Variants in FAM210A observed in about 807,000 individuals in gnomAD.
The protein encoded by FAM210A is family with sequence similarity 210 member A.
Under a neutral mutation model 25.3 loss-of-function variants are expected in FAM210A, and 13 were observed. That is an observed-to-expected ratio of 0.51 (90% CI 0.33 to 0.82). The LOEUF (loss-of-function observed/expected upper bound fraction) is 0.82. Among genes scored for constraint, FAM210A ranks in the 40% least tolerant of loss-of-function variants. The pLI, the probability that FAM210A is intolerant of heterozygous loss-of-function variation, is 0.02. For synonymous variants in FAM210A, 125 were observed against 118.7 expected (o/e 1.05, Z -0.35); for missense variants, 319 against 323.2 (o/e 0.99, Z 0.10).
intron 1 of FAM210A, among the ~76,000 whole-genome samples, chr18:13,689,041 A>T (rs2043620834): frequency 6.6e-6 from 1 of 152,196 alleles, no homozygotes. Flanking sequence ...CCCTGTCGCG[A>T]GTCCTGTGAA....
Position 13,682,086 on chromosome 18 carries a change from G to C in FAM210A, c.-9C>G, listed in dbSNP as rs772224892. Reference sequence around the variant, plus strand: ...GGTACATTCCATTGCATTTTGAAGAGTGTTGATAGGTTTCAGCTTCTACAA... The same window carrying C: ...GGTACATTCCATTGCATTTTGAAGACTGTTGATAGGTTTCAGCTTCTACAA... On this transcript the variant is annotated 5_prime_UTR_variant, in exon 2 of 4. Transcript: ENST00000651643. 2 of 1,549,398 alleles carry C rather than the reference G, an allele frequency of 1.3e-6. No homozygotes were observed. The highest frequency in any genetic ancestry group is 2.5e-5 in the South Asian group (2 of 81,076).
intron 3 of FAM210A, among the ~76,000 whole-genome samples, chr18:13,671,195 C>T (rs2043438721): frequency 6.6e-6 from 1 of 152,114 alleles, no homozygotes; most frequent in Non-Finnish European, 1.5e-5. Flanking sequence ...TGGAGGCCCC[C>T]CCCTTCTGTC....
intron 2 of FAM210A, among the ~76,000 whole-genome samples, chr18:13,673,728 C>T (rs1156988660): frequency 9.4e-5 from 14 of 149,220 alleles, no homozygotes; most frequent in African/African-American, 3.4e-4. Context: ...CATTCCTGAG[C>T]CCCGACTTAT....
intron 1 of FAM210A, among the ~76,000 whole-genome samples, chr18:13,723,615 A>C (rs953664749): frequency 6.6e-6 from 1 of 152,218 alleles, no homozygotes; most frequent in African/African-American, 2.4e-5. Flanking sequence ...CACCCACATT[A>C]TTTAGGGTAA....
At chr18:13,699,653 G>A (rs2043722914) in intron 1 of FAM210A, among the ~76,000 whole-genome samples, 1 of 152,142 alleles carries the variant, frequency 6.6e-6, no homozygotes, top group Non-Finnish European at 1.5e-5. Flanking sequence ...CAGGTTGCAG[G>A]AAGAATGGAG....
chr18:13,691,621 T>G (rs1168279494), intron 1 of FAM210A, among the ~76,000 whole-genome samples: 3 of 151,576 alleles, frequency 2.0e-5, no homozygotes, highest in Admixed American at 2.0e-4. Context: ...TAAAAGAATT[T>G]TCAACCCAGA....
chr18:13,721,149 C>G (rs1309125253), intron 1 of FAM210A, among the ~76,000 whole-genome samples: 1 of 152,136 alleles, frequency 6.6e-6, no homozygotes, highest in African/African-American at 2.4e-5. Context: ...AACAAGATCA[C>G]AGAGATCTTG....
At chr18:13,709,593 T>C (rs2043806458) in intron 1 of FAM210A, among the ~76,000 whole-genome samples, 1 of 152,220 alleles carries the variant, frequency 6.6e-6, no homozygotes, top group African/African-American at 2.4e-5. Flanking sequence ...TCTATTGGTT[T>C]CATTTTTCCT....
chr18:13,683,111 T>C (rs558718572), intron 1 of FAM210A, among the ~76,000 whole-genome samples: 12 of 152,152 alleles, frequency 7.9e-5, no homozygotes, highest in South Asian at 2.1e-4. Context: ...CTTTACAGGA[T>C]TGTCACCAGG....
chr18:13,714,366 A>C (rs2043844687), intron 1 of FAM210A, among the ~76,000 whole-genome samples: 1 of 152,194 alleles, frequency 6.6e-6, no homozygotes, highest in Non-Finnish European at 1.5e-5. Flanking sequence ...AGAAGATGGA[A>C]AGTCATTCTA....
At chr18:13,699,453 T>TA (rs1425836755) in intron 1 of FAM210A, among the ~76,000 whole-genome samples, 1 of 152,156 alleles carries the variant, frequency 6.6e-6, no homozygotes, top group African/African-American at 2.4e-5. Context: ...AGAGCAGTCT[T>TA]AAATGTCAAG....
At chr18:13,709,691 G>T (rs781654048) in intron 1 of FAM210A, among the ~76,000 whole-genome samples, 9 of 151,982 alleles carry the variant, frequency 5.9e-5, no homozygotes, top group Non-Finnish European at 8.8e-5. Context: ...CTTTTTCACT[G>T]TTTTTTTCAT....
At chr18:13,706,031 C>T (rs923003631) in intron 1 of FAM210A, among the ~76,000 whole-genome samples, 2 of 152,198 alleles carry the variant, frequency 1.3e-5, no homozygotes, top group African/African-American at 2.4e-5. Context: ...CTTTCACAAT[C>T]TAGAACCCAA....
In FAM210A at chr18:13,681,619, A is replaced by C. The variant is rs1271508846; in HGVS notation, c.459T>G (p.Tyr153Ter). The part of the protein sequence containing the change: ...ITSGVWFGTF[Y>*]YAALKGVNVV... Reference sequence around the variant, plus strand: ...CAAAAACTTACTTCAAGGCTGCATAATAAAATGTTCCAAACCAAACACCAG... The same window carrying C: ...CAAAAACTTACTTCAAGGCTGCATACTAAAATGTTCCAAACCAAACACCAG... Residue 153 changes from tyrosine to a stop codon, truncating the protein, a stop_gained, in exon 2 of 4, where the codon TAT becomes TAG. Transcript: ENST00000651643. LOFTEE classifies it high-confidence loss of function. The C allele has an allele frequency of 6.2e-7, 1 of 1,602,280 alleles. No homozygotes were observed.
chr18:13,671,959 A>G lies in FAM210A; in HGVS notation c.488T>C (p.Val163Ala). 1 of 1,610,740 alleles carries G rather than the reference A, an allele frequency of 6.2e-7. No homozygotes were observed. Among genetic ancestry groups the G allele is most frequent in the Non-Finnish European group, 8.5e-7 (1 of 1,177,650 alleles). The change falls in exon 3 of 4, where the codon GTT becomes GCT. Residue 163 changes from valine to alanine, a missense_variant. By Grantham distance (64) the Val-to-Ala change is moderately conservative (BLOSUM62 0). Coordinates refer to ENST00000651643, the MANE Select transcript of FAM210A (RefSeq NM_152352.4). ...TAACCCAATGAGTTCTAGAAAAGGA[A>G]CGACATTCACTCCTCTACAAAAAAA... ...YYAALKGVNV[V>A]PFLELIGLPD...
intron 1 of FAM210A, among the ~76,000 whole-genome samples, chr18:13,696,055 A>C (rs2043690641): frequency 6.6e-6 from 1 of 152,216 alleles, no homozygotes; most frequent in Non-Finnish European, 1.5e-5. Context: ...TATATAAGGA[A>C]AACCTCAAAA....
At chr18:13,693,987 C>T (rs576949826) in intron 1 of FAM210A, among the ~76,000 whole-genome samples, 4 of 152,298 alleles carry the variant, frequency 2.6e-5, no homozygotes, top group Admixed American at 6.5e-5. Context: ...AAAACCCCAT[C>T]GTCTCAGCCC....
intron 1 of FAM210A, among the ~76,000 whole-genome samples, chr18:13,692,073 G>A (rs948206603): frequency 8.1e-5 from 2 of 24,832 alleles, no homozygotes; most frequent in Non-Finnish European, 2.0e-4. Context: ...CTAAGCAAAT[G>A]GAAAACAAAA....
chr18:13,696,543 A>T (rs2043695314), intron 1 of FAM210A, among the ~76,000 whole-genome samples: 1 of 152,204 alleles, frequency 6.6e-6, no homozygotes, highest in Admixed American at 6.5e-5. Flanking sequence ...AGCATGAAAG[A>T]CGGTGCCATA....
Sources: allele counts gnomAD v4.1 joint callset (sites outside exome capture counted in the v4.1 genomes callset), GRCh38; gene constraint gnomAD v4.1.1; transcripts MANE v1.5; gene names NCBI Gene and HGNC (gene_info 2026-07-23, HGNC 2026-07-21).